The following TMC7 variants were observed in gnomAD, a reference collection of about 807,000 sequenced individuals.
TMC7 encodes the protein transmembrane channel like 7.
Under a neutral mutation model 82.9 loss-of-function variants are expected in TMC7, and 54 were observed. The observed-to-expected ratio is 0.65, with a 90% confidence interval of 0.52 to 0.82. The LOEUF is 0.82. Ranked by LOEUF, TMC7 falls within the 40% of genes least tolerant of loss-of-function variation. The pLI is 0.00. For synonymous variants in TMC7, 350 were observed against 337.9 expected, an observed-to-expected ratio of 1.04 and a Z score of -0.39; for missense variants, 820 against 901.2, an observed-to-expected ratio of 0.91 and a Z score of 1.15.
intron 9 of TMC7, 74 bp downstream of exon 9, chr16:19,040,520 A>G (rs1207868085): frequency 2.3e-5 from 32 of 1,378,340 alleles, no homozygotes; most frequent in Non-Finnish European, 3.0e-5. Context: ...CATGGCAGAC[A>G]TCGCTAATCA....
rs867284039 is a variant in TMC7, at chr16:19,003,459, C to T, written c.68-5713C>T. On this transcript the variant is annotated intron_variant, in intron 1 of 15. Transcript: ENST00000304381. Reference sequence around the variant, plus strand: ...GCCGCCCCGTCCGGGAGGTGAGGGGCGCCTCTGCCCGGCCGCCCCTACTGG... The same window carrying T: ...GCCGCCCCGTCCGGGAGGTGAGGGGTGCCTCTGCCCGGCCGCCCCTACTGG... 1.1e-4 allele frequency among the ~76,000 whole-genome samples: 16 copies of T among 148,382 alleles called. No homozygotes were observed. In the East Asian group the frequency reaches 2.9e-3, roughly 27 times the overall value.
chr16:18,988,101 T>C (rs1384871065), intron 1 of TMC7, among the ~76,000 whole-genome samples: 1 of 152,000 alleles, frequency 6.6e-6, no homozygotes, highest in African/African-American at 2.4e-5. Context: ...CCCAAAGTGC[T>C]GGGACTACAG....
chr16:19,003,352 C>A (rs1287556104), intron 1 of TMC7, among the ~76,000 whole-genome samples: 2 of 152,118 alleles, frequency 1.3e-5, no homozygotes, highest in African/African-American at 4.8e-5. Context: ...GCCGCCCCTA[C>A]TGGGAAGTGA....
At chr16:19,017,537 C>T (rs1959755769) in intron 3 of TMC7, among the ~76,000 whole-genome samples, 1 of 151,720 alleles carries the variant, frequency 6.6e-6, no homozygotes, top group African/African-American at 2.4e-5. Context: ...AAAACATTAT[C>T]CCAGCCAGGT....
At chr16:19,018,927 T>C (rs1306556078) in intron 3 of TMC7, among the ~76,000 whole-genome samples, 7 of 152,262 alleles carry the variant, frequency 4.6e-5, no homozygotes, top group African/African-American at 1.7e-4. Context: ...CTTGGCTCAC[T>C]GCAACCTCCG....
intron 7 of TMC7, among the ~76,000 whole-genome samples, chr16:19,036,326 G>A (rs927836415): frequency 3.3e-5 from 5 of 152,078 alleles, no homozygotes; most frequent in African/African-American, 9.7e-5. Context: ...TGGCTAACAC[G>A]GTGAAACCCC....
intron 15 of TMC7, among the ~76,000 whole-genome samples, chr16:19,061,544 CA>C (rs1962010743): frequency 1.3e-5 from 2 of 152,290 alleles, no homozygotes; most frequent in Middle Eastern, 3.4e-3. Flanking sequence ...CTCGGCCTCC[CA>C]AAGTGCTGGG....
Position 18,984,004 on chromosome 16 carries a change from C to A in TMC7, c.-60C>A. 1.5e-6 allele frequency: 2 copies of A among 1,353,644 alleles called. No individual in the cohort carries two copies. The highest frequency in any genetic ancestry group is 9.5e-7 in the Non-Finnish European group (1 of 1,055,410). 83.9% of individuals were successfully genotyped at this position (1,353,644 alleles called of 1,614,324 possible). A position where few individuals can be genotyped will look rare whatever the true frequency, so the allele number is the denominator to read the frequency against. The stretch of plus-strand genomic sequence containing the variant: ...CCGCGAGGGAAGGCCGGGGAGGCGG[C>A]GGCGGCGGCGGCGGCTGGAGAGGGT... On this transcript the variant is annotated 5_prime_UTR_variant, in exon 1 of 16. Coordinates refer to ENST00000304381, the MANE Select transcript of TMC7 (RefSeq NM_024847.4).
intron 1 of TMC7, among the ~76,000 whole-genome samples, chr16:18,985,084 AC>A (rs1040484200): frequency 1.4e-4 from 22 of 152,192 alleles, no homozygotes; most frequent in Admixed American, 1.2e-3. Flanking sequence ...AGATGGTGAA[AC>A]CCCATCTCTA....
At chr16:18,987,390 A>G (rs140567761) in intron 1 of TMC7, among the ~76,000 whole-genome samples, 1,611 of 152,034 alleles carry the variant, frequency 0.011, 31 homozygotes, top group African/African-American at 0.037. Context: ...GGCTCACCAC[A>G]ACCTCTGCCT....
intron 1 of TMC7, among the ~76,000 whole-genome samples, chr16:18,992,386 A>G (rs1469111662): frequency 1.3e-5 from 2 of 152,194 alleles, no homozygotes; most frequent in Non-Finnish European, 1.5e-5. Flanking sequence ...TTGGCTTCTT[A>G]AATGTCTTCT....
intron 13 of TMC7, among the ~76,000 whole-genome samples, chr16:19,053,596 T>C (rs1358314582): frequency 2.0e-5 from 3 of 152,022 alleles, no homozygotes; most frequent in African/African-American, 7.2e-5. Flanking sequence ...AAAGACGGGG[T>C]TTCTCCATGT....
At chr16:19,045,635 C>T (rs1334576608) in intron 11 of TMC7, among the ~76,000 whole-genome samples, 197 bp downstream of exon 11, 7 of 146,408 alleles carry the variant, frequency 4.8e-5, no homozygotes, top group African/African-American at 1.8e-4. Flanking sequence ...CTTGCTCTGT[C>T]ACCCAGGCTG....
intron 8 of TMC7, among the ~76,000 whole-genome samples, chr16:19,038,759 C>G (rs1960873882): frequency 6.6e-6 from 1 of 152,110 alleles, no homozygotes; most frequent in South Asian, 2.1e-4. Context: ...CTCAAGAGAT[C>G]CACCCACCTT....
intron 2 of TMC7, among the ~76,000 whole-genome samples, chr16:19,009,796 C>G (rs913754841): frequency 6.6e-6 from 1 of 151,862 alleles, no homozygotes; most frequent in South Asian, 2.1e-4. Context: ...AAAAAATTAG[C>G]TGGGCATGGT....
rs961023297 is a variant in TMC7, at chr16:18,996,926, G to C, written c.68-12246G>C. 3.3e-5 allele frequency among the ~76,000 whole-genome samples: 5 copies of C among 152,214 alleles called. No homozygotes were observed. The East Asian group carries it at 7.7e-4, about 23-fold the overall frequency. Reference sequence around the variant, plus strand: ...TCTTCCCAAGTCCATGACTAGCGCCGGAGTTTTGGGTCCACGAATAAAATG... The same window carrying C: ...TCTTCCCAAGTCCATGACTAGCGCCCGAGTTTTGGGTCCACGAATAAAATG... On this transcript the variant is annotated intron_variant, in intron 1 of 15. Transcript: ENST00000304381.
At chr16:18,992,514 T>C (rs1330185004) in intron 1 of TMC7, among the ~76,000 whole-genome samples, 1 of 152,220 alleles carries the variant, frequency 6.6e-6, no homozygotes, top group Non-Finnish European at 1.5e-5. Flanking sequence ...GTCAGATAAG[T>C]AGATTTCAAA....
chr16:19,009,075 T>C (rs2142169786), intron 1 of TMC7, 97 bp from the exon 2 acceptor site: 1 of 1,384,238 alleles, frequency 7.2e-7, no homozygotes, highest in African/African-American at 1.4e-5. Flanking sequence ...GGCTAGTAAC[T>C]ATCTGCAAGG....
intron 12 of TMC7, 70 bp downstream of exon 12, chr16:19,047,319 T>G (rs1368267648): frequency 1.4e-6 from 2 of 1,379,436 alleles, no homozygotes; most frequent in African/African-American, 1.4e-5. Flanking sequence ...CCAATATGTC[T>G]GGAGCTCACC....
Sources: gnomAD v4.1 joint callset for allele counts (sites outside exome capture counted in the v4.1 genomes callset) on GRCh38, gnomAD v4.1.1 for gene constraint, MANE v1.5 for transcripts, NCBI Gene and HGNC (gene_info 2026-07-23, HGNC 2026-07-21) for gene names.